The following KATNAL1 variants were observed in gnomAD, a reference collection of about 807,000 sequenced individuals.
KATNAL1 encodes the protein katanin catalytic subunit A1 like 1, also known as katanin p60 ATPase-containing subunit A-like 1.
Under a neutral mutation model 55.2 loss-of-function variants are expected in KATNAL1, and 32 were observed. The observed-to-expected ratio is 0.58, with a 90% CI of 0.44 to 0.78. The LOEUF (loss-of-function observed/expected upper bound fraction) is 0.78, where lower values mean the gene tolerates loss of function less well. KATNAL1 is among the 30% of genes least tolerant of loss of function. The probability of loss-of-function intolerance (pLI) is 0.00; values close to 1 mark genes in which losing one functional copy is unlikely to be tolerated. For synonymous variants in KATNAL1, 193 were observed against 193.6 expected, an observed-to-expected ratio of 1.00 and a Z score of 0.02; for missense variants, 466 against 600.9, an observed-to-expected ratio of 0.78 and a Z score of 2.35.
At chr13:30,239,940 T>A (rs572870908) in intron 6 of KATNAL1, among the ~76,000 whole-genome samples, 88 of 152,224 alleles carry the variant, frequency 5.8e-4, no homozygotes, top group Non-Finnish European at 8.8e-4. Context: ...CTCCTCAGCC[T>A]CCCAAAGTGC....
intron 9 of KATNAL1, among the ~76,000 whole-genome samples, chr13:30,217,218 C>T (rs547762281): frequency 2.6e-5 from 4 of 152,140 alleles, no homozygotes; most frequent in South Asian, 4.1e-4. Context: ...TTTGGGAGGC[C>T]GAGGCGGGAG....
At chr13:30,232,107 G>A (rs17505148) in intron 6 of KATNAL1, among the ~76,000 whole-genome samples, 21,789 of 152,128 alleles carry the variant, frequency 0.14, 1,786 homozygotes, top group Middle Eastern at 0.2. Context: ...TTACTTCTTA[G>A]TTTTGAAAAC....
In KATNAL1 at chr13:30,256,693, GAAAAAGAAAA is replaced by G. The variant is rs1216070396; in HGVS notation, c.324-1088_324-1079del. ...TGCAAACTAAGGGCCAAAACAGTAA[GAAAAAGAAAA>G]AAAAAGAAAAAAAAATGTGTTAACA... On this transcript the variant is annotated intron_variant, in intron 3 of 10. Coordinates refer to ENST00000380615, the MANE Select transcript of KATNAL1 (RefSeq NM_032116.5). Among the ~76,000 whole-genome samples, 9 of 145,420 alleles carry G rather than the reference GAAAAAGAAAA, an allele frequency of 6.2e-5. No individual in the cohort carries two copies. In the South Asian group the frequency reaches 6.5e-4, roughly 11 times the overall value.
intron 5 of KATNAL1, 33 bp downstream of exon 5, chr13:30,240,926 C>G (rs1877209577): frequency 6.3e-7 from 1 of 1,592,694 alleles, no homozygotes; most frequent in African/African-American, 1.4e-5. Flanking sequence ...GTGTTCTCCT[C>G]TACTTTAATT....
At chr13:30,255,021 A>C (rs1181938240) in intron 4 of KATNAL1, among the ~76,000 whole-genome samples, 2 of 152,232 alleles carry the variant, frequency 1.3e-5, no homozygotes, top group Non-Finnish European at 2.9e-5. Flanking sequence ...ACTATAATCT[A>C]CAGATAAATC....
chr13:30,248,645 C>A (rs1331109780), intron 4 of KATNAL1, among the ~76,000 whole-genome samples: 2 of 152,230 alleles, frequency 1.3e-5, no homozygotes, highest in Non-Finnish European at 2.9e-5. Context: ...ACTGACAACG[C>A]CGGGCGCAAT....
chr13:30,291,146 A>C (rs1882109179), intron 1 of KATNAL1, among the ~76,000 whole-genome samples: 1 of 152,232 alleles, frequency 6.6e-6, no homozygotes, highest in Non-Finnish European at 1.5e-5. Flanking sequence ...AAAAGAAGTA[A>C]AGCTGCTTTT....
At chr13:30,294,981 G>T (rs1034300371) in intron 1 of KATNAL1, among the ~76,000 whole-genome samples, 1 of 152,150 alleles carries the variant, frequency 6.6e-6, no homozygotes, top group African/African-American at 2.4e-5. Flanking sequence ...GAGAGCTATG[G>T]CTCAGAAAAA....
chr13:30,252,626 C>G (rs207473640), intron 4 of KATNAL1, among the ~76,000 whole-genome samples: 1 of 152,134 alleles, frequency 6.6e-6, no homozygotes, highest in Admixed American at 6.6e-5. Context: ...CTGTTCTACT[C>G]TGCTTCAATT....
rs1277578338 is a variant in KATNAL1, at chr13:30,220,700, G to GT, written c.1147+6711dup. ...GCTCAATCAGTAAATTCTTTTTCTT[G>GT]TTTTTTGTTTTTTTTTGAGATGGAG... is the stretch of plus-strand genomic sequence containing the variant. On this transcript the variant is annotated intron_variant, in intron 9 of 10. Coordinates refer to ENST00000380615, the MANE Select transcript of KATNAL1 (RefSeq NM_032116.5). Among the ~76,000 whole-genome samples the GT allele has an allele frequency of 3.3e-5, 5 of 151,710 alleles. No homozygotes were observed. The East Asian group carries it at 5.8e-4, about 18-fold the overall frequency.
intron 7 of KATNAL1, 135 bp from the exon 8 acceptor site, chr13:30,230,729 A>ATT: frequency 3.1e-6 from 2 of 648,740 alleles, no homozygotes; most frequent in Non-Finnish European, 2.5e-6. Context: ...TGGTTATGGC[A>ATT]AAGGCTAAAT....
At chr13:30,271,878 G>GAAAAA (rs71299873) in intron 3 of KATNAL1, among the ~76,000 whole-genome samples, 23 of 76,766 alleles carry the variant, frequency 3.0e-4, no homozygotes, top group East Asian at 1.2e-3. Flanking sequence ...AAGAAAAGAG[G>GAAAAA]AAAAAAAAAA....
chr13:30,281,006 G>A (rs979082746), intron 2 of KATNAL1, among the ~76,000 whole-genome samples: 2 of 151,268 alleles, frequency 1.3e-5, no homozygotes, highest in Admixed American at 1.3e-4. Context: ...CCTAGTGCGA[G>A]TCTATAGTCC....
Position 30,303,376 on chromosome 13 carries a change from A to G in KATNAL1, c.-15+3955T>C, listed in dbSNP as rs1475167005. Among the ~76,000 whole-genome samples, 12 of 152,178 alleles carry G rather than the reference A, an allele frequency of 7.9e-5. 1 individual carries two copies. Among genetic ancestry groups the G allele is most frequent in the Admixed American group, 7.9e-4 (12 of 15,284 alleles). On this transcript the variant is annotated intron_variant, in intron 1 of 10. Transcript: ENST00000380615. The stretch of plus-strand genomic sequence containing the variant: ...CAATTTCCCTGGGACTACCATATAT[A>G]AGTATAGTTATCACTGAAGAGAAAA...
intron 1 of KATNAL1, among the ~76,000 whole-genome samples, chr13:30,306,546 A>G (rs1883189530): frequency 6.6e-6 from 1 of 152,224 alleles, no homozygotes; most frequent in Non-Finnish European, 1.5e-5. Flanking sequence ...AGATACCACC[A>G]TATAATCGCA....
intron 9 of KATNAL1, among the ~76,000 whole-genome samples, chr13:30,211,893 C>T (rs775702253): frequency 1.1e-4 from 16 of 152,150 alleles, no homozygotes; most frequent in Non-Finnish European, 1.8e-4. Context: ...TAGTACAGAA[C>T]GGGGTGCCCA....
Position 30,306,456 on chromosome 13 carries a change from G to C in KATNAL1, c.-15+875C>G, listed in dbSNP as rs111726921. Among the ~76,000 whole-genome samples, 1,095 of 151,992 alleles carry C rather than the reference G, an allele frequency of 7.2e-3. 6 individuals carry two copies. The highest frequency in any genetic ancestry group is 0.031 in the Middle Eastern group (9 of 294). ...GTAGGCAGTGTTCAGGCTGGCAAGG[G>C]GGGGGTGGGGTGGAGCACTCATTTC... On this transcript the variant is annotated intron_variant, in intron 1 of 10. Transcript: ENST00000380615.
At chr13:30,272,557 C>T (rs1031317695) in intron 3 of KATNAL1, among the ~76,000 whole-genome samples, 1 of 152,100 alleles carries the variant, frequency 6.6e-6, no homozygotes, top group Non-Finnish European at 1.5e-5. Context: ...CGTGTTATGG[C>T]TTCATTCTGA....
At chr13:30,265,229 G>T (rs951380817) in intron 3 of KATNAL1, among the ~76,000 whole-genome samples, 7 of 151,526 alleles carry the variant, frequency 4.6e-5, no homozygotes, top group African/African-American at 1.5e-4. Context: ...GTTGTGGGGT[G>T]GGGGGACGGG....
Sources: gnomAD v4.1 joint callset for allele counts (sites outside exome capture counted in the v4.1 genomes callset) on GRCh38, gnomAD v4.1.1 for gene constraint, MANE v1.5 for transcripts, NCBI Gene and HGNC (gene_info 2026-07-23, HGNC 2026-07-21) for gene names.